The following ABCD2 variants were observed in gnomAD, a reference collection of about 807,000 sequenced individuals.
ABCD2 encodes the protein ATP binding cassette subfamily D member 2.
ABCD2 carries 36 observed loss-of-function variants against 70.9 expected under a neutral mutation model. The ratio of observed to expected loss-of-function variants is 0.51; its 90% CI spans 0.39 to 0.67. ABCD2 has a LOEUF of 0.67. Ranked by LOEUF, ABCD2 falls within the 30% of genes least tolerant of loss-of-function variation. The pLI is 0.00. For synonymous variants in ABCD2, 304 were observed against 306.9 expected, an observed-to-expected ratio of 0.99 and a Z score of 0.10; for missense variants, 729 against 890.2, an observed-to-expected ratio of 0.82 and a Z score of 2.30.
At chr12:39,586,651 C>T (rs1372567129) in intron 6 of ABCD2, among the ~76,000 whole-genome samples, 4 of 152,102 alleles carry the variant, frequency 2.6e-5, no homozygotes, top group Non-Finnish European at 5.9e-5. Flanking sequence ...CTAACTTGGC[C>T]TCCCAAAGCA....
chr12:39,566,466 AGT>A (rs1166016771), intron 9 of ABCD2, among the ~76,000 whole-genome samples: 1 of 152,116 alleles, frequency 6.6e-6, no homozygotes, highest in Non-Finnish European at 1.5e-5. Context: ...CTGTGGGATC[AGT>A]GGTGATATTC....
chr12:39,614,154 G>T (rs11172848), intron 2 of ABCD2, among the ~76,000 whole-genome samples: 7,170 of 152,174 alleles, frequency 0.047, 214 homozygotes, highest in East Asian at 0.13. Flanking sequence ...AGGACAAAAG[G>T]TTACATGATT....
chr12:39,619,424 T>C lies in ABCD2; in HGVS notation c.192A>G (p.Glu64=). ...AAATGGTCTCGGTGCAATGCAGTAT[T>C]TCTGTGTTCTCTGCAGCAGGGTAAG... ...AAAYPAAENT[E]ILHCTETICE... is the part of the protein sequence containing the mutation. Residue 64 remains glutamate (E), a synonymous_variant, in exon 1 of 10, where the codon GAA becomes GAG. Coordinates refer to ENST00000308666, the MANE Select transcript of ABCD2 (RefSeq NM_005164.4). 6.2e-7 allele frequency: 1 copy of C among 1,613,978 alleles called. No homozygotes were observed. Among genetic ancestry groups the C allele is most frequent in the East Asian group, 2.2e-5 (1 of 44,870 alleles).
At chr12:39,579,485 G>A (rs1941566520) in intron 8 of ABCD2, 50 bp downstream of exon 8, 2 of 1,305,832 alleles carry the variant, frequency 1.5e-6, no homozygotes, top group East Asian at 4.6e-5. Context: ...ATTGTTGCTT[G>A]GTTTGGTTAC....
chr12:39,600,429 G>T, intron 6 of ABCD2, 142 bp downstream of exon 6: 3 of 772,462 alleles, frequency 3.9e-6, no homozygotes, highest in East Asian at 2.8e-5. Context: ...AAAATATTTT[G>T]GGCTAAGTGA....
rs1941071446 is a variant in ABCD2, at chr12:39,550,422, A to C, written c.*3490T>G. 6.6e-6 allele frequency: 1 copy of C among 151,736 alleles called. No homozygotes were observed. The highest frequency in any genetic ancestry group is 1.5e-5 in the Non-Finnish European group (1 of 67,688). The allele number at this position is 151,736 out of a possible 1,614,324, so 9.4% of individuals were successfully genotyped here. A position where few individuals can be genotyped will look rare whatever the true frequency, so the allele number is the denominator to read the frequency against. On this transcript the variant is annotated 3_prime_UTR_variant, in exon 10 of 10. Transcript: ENST00000308666. ...CACAATTTCATTTAGCTACATAATG[A>C]TTTTTACCTTTAAGGACATTTTTCT... is the stretch of plus-strand genomic sequence containing the variant.
intron 6 of ABCD2, among the ~76,000 whole-genome samples, chr12:39,592,909 A>C (rs1233986267): frequency 6.6e-6 from 1 of 152,224 alleles, no homozygotes; most frequent in Non-Finnish European, 1.5e-5. Context: ...TATTTAAAAC[A>C]GCATACCCCA....
chr12:39,566,410 T>C (rs545690118), intron 9 of ABCD2, among the ~76,000 whole-genome samples: 41 of 152,238 alleles, frequency 2.7e-4, no homozygotes, highest in Non-Finnish European at 4.3e-4. Flanking sequence ...TTCTAGTTTG[T>C]TTGCATAGAA....
intron 8 of ABCD2, 109 bp from the exon 9 acceptor site, chr12:39,573,950 T>TA: frequency 1.9e-6 from 2 of 1,079,220 alleles, no homozygotes; most frequent in Non-Finnish European, 2.6e-6. Context: ...CAAAAAAGAC[T>TA]ATGGCATTAT....
chr12:39,619,322 T>G lies in ABCD2; in HGVS notation c.294A>C (p.Lys98Asn). ...LLELRKILFP[K>N]LVTTETGWLC... ...GCCACCCTGTTTCAGTGGTCACAAG[T>G]TTTGGAAACAAAATTTTCCGAAGTT... is the stretch of plus-strand genomic sequence containing the variant. The change falls in exon 1 of 10, where the codon AAA (lysine) becomes AAC (asparagine). Residue 98 changes from lysine (K) to asparagine (N), a missense_variant. Transcript: ENST00000308666. The G allele has an allele frequency of 1.2e-6, 2 of 1,614,080 alleles. No homozygotes were observed. Among genetic ancestry groups the G allele is most frequent in the Non-Finnish European group, 1.7e-6 (2 of 1,180,016 alleles).
intron 9 of ABCD2, among the ~76,000 whole-genome samples, chr12:39,558,681 CT>C (rs1941206446): frequency 6.6e-6 from 1 of 152,198 alleles, no homozygotes; most frequent in South Asian, 2.1e-4. Context: ...CCCTCACCTT[CT>C]GCCACGATCA....
In ABCD2 at chr12:39,607,681, C is replaced by T. The variant is rs373870416; in HGVS notation, c.1154G>A (p.Arg385Gln). ...DGQKQVMVSE[R>Q]TEAFTTARNL... is the part of the protein sequence containing the mutation. Reference sequence around the variant, plus strand: ...TCGAGCAGTGGTAAAGGCTTCTGTCCGTTCACTAACCATAACTTGCTTTTG... The same window carrying T: ...TCGAGCAGTGGTAAAGGCTTCTGTCTGTTCACTAACCATAACTTGCTTTTG... The change falls in exon 3 of 10, where the codon CGG becomes CAG. Residue 385 changes from arginine (R) to glutamine (Q), a missense_variant. Arg to Gln is a conservative substitution (Grantham distance 43). Around this residue, in one of 3 missense-constraint regions of ABCD2, gnomAD observed 195 missense variants for 300.2 expected, o/e 0.65. Transcript: ENST00000308666. 3.7e-6 allele frequency: 6 copies of T among 1,612,466 alleles called. No homozygotes were observed. The African/African-American group carries it at 5.4e-5, about 14-fold the overall frequency.
intron 6 of ABCD2, among the ~76,000 whole-genome samples, chr12:39,594,693 G>A (rs1363427453): frequency 6.6e-6 from 1 of 152,150 alleles, no homozygotes; most frequent in Non-Finnish European, 1.5e-5. Flanking sequence ...GAATACAATG[G>A]CCAGGTAGAG....
At chr12:39,597,467 A>G (rs1941832142) in intron 6 of ABCD2, among the ~76,000 whole-genome samples, 1 of 152,192 alleles carries the variant, frequency 6.6e-6, no homozygotes, top group African/African-American at 2.4e-5. Flanking sequence ...GCAGGGGATC[A>G]CAAATCTCTC....
At chr12:39,556,473 G>C (rs577739756) in intron 9 of ABCD2, among the ~76,000 whole-genome samples, 1 of 152,098 alleles carries the variant, frequency 6.6e-6, no homozygotes, top group Admixed American at 6.5e-5. Context: ...AGTTCCTCCT[G>C]TGTTCGTTCT....
the ABCD2 span, among the ~76,000 whole-genome samples, chr12:39,542,449 G>A: frequency 9.4e-5 from 14 of 148,660 alleles, no homozygotes; most frequent in African/African-American, 3.0e-4. Context: ...GCAACAGAGC[G>A]AGACTCCATC....
At chr12:39,579,126 C>T (rs1250654907) in intron 8 of ABCD2, among the ~76,000 whole-genome samples, 1 of 152,150 alleles carries the variant, frequency 6.6e-6, no homozygotes, top group Non-Finnish European at 1.5e-5. Flanking sequence ...CTTTGGGAGG[C>T]CAAGGCGGGC....
rs1941074914 is a variant in ABCD2 at position 39,550,628 on chromosome 12, CAT to C, written c.*3282_*3283del. ...ACCTGAAGGCGCTCATGTGGCAAAA[CAT>C]ATTCAACCCCAAAACATATTCAACA... On this transcript the variant is annotated 3_prime_UTR_variant, in exon 10 of 10. Coordinates refer to ENST00000308666, the MANE Select transcript of ABCD2 (RefSeq NM_005164.4). 6.6e-6 allele frequency: 1 copy of C among 151,714 alleles called. No homozygotes were observed. Among genetic ancestry groups the C allele is most frequent in the East Asian group, 1.9e-4 (1 of 5,198 alleles). 9.4% of individuals were successfully genotyped at this position (151,714 alleles called of 1,614,324 possible).
rs1942169120 is a variant in ABCD2 at position 39,619,697 on chromosome 12, G to A, written c.-82C>T. The A allele has an allele frequency of 7.7e-7, 1 of 1,293,576 alleles. No homozygotes were observed. The highest frequency in any genetic ancestry group is 1.1e-6 in the Non-Finnish European group (1 of 945,266). 80.1% of individuals were successfully genotyped at this position (1,293,576 alleles called of 1,614,324 possible). A position where few individuals can be genotyped will look rare whatever the true frequency, so the allele number is the denominator to read the frequency against. On this transcript the variant is annotated 5_prime_UTR_variant, in exon 1 of 10. Coordinates refer to ENST00000308666, the MANE Select transcript of ABCD2 (RefSeq NM_005164.4). ...ACAGAAATCCCCAGCAAATGTTTTAGAAAGTCCTACAGCGTCCCATAGTCT... is the reference window on the plus strand; with the variant it reads ...ACAGAAATCCCCAGCAAATGTTTTAAAAAGTCCTACAGCGTCCCATAGTCT...
Sources: gnomAD v4.1 joint callset for allele counts (sites outside exome capture counted in the v4.1 genomes callset) on GRCh38, gnomAD v4.1.1 for gene constraint, gnomAD v4.1.1 regional missense constraint, MANE v1.5 for transcripts, NCBI Gene and HGNC (gene_info 2026-07-23, HGNC 2026-07-21) for gene names.